EPS8: variants seen among roughly 807,000 people sequenced by gnomAD.
EPS8 encodes epidermal growth factor receptor kinase substrate 8.
Under a neutral mutation model 103.8 loss-of-function variants are expected in EPS8, and 42 were observed. That is an observed-to-expected ratio of 0.40 (90% CI 0.32 to 0.52). The LOEUF (loss-of-function observed/expected upper bound fraction) is 0.52, where lower values mean the gene tolerates loss of function less well. EPS8 is among the 20% of genes least tolerant of loss of function. The probability of loss-of-function intolerance (pLI) is 0.40; values close to 1 mark genes in which losing one functional copy is unlikely to be tolerated. For missense variants in EPS8, 969 were observed against 1,005.1 expected (o/e 0.96, Z 0.49); for synonymous variants, 344 against 344.6 (o/e 1.00, Z 0.02).
intron 13 of EPS8, among the ~76,000 whole-genome samples, chr12:15,652,042 G>A (rs889008443): frequency 6.6e-6 from 1 of 152,038 alleles, no homozygotes. Context: ...TAAACTTCAT[G>A]AAATTAAAGG....
chr12:15,642,260 T>A (rs1054488662), intron 15 of EPS8, among the ~76,000 whole-genome samples: 2 of 152,094 alleles, frequency 1.3e-5, no homozygotes, highest in East Asian at 1.9e-4. Flanking sequence ...TTTCACTAAT[T>A]CAAGCAATGT....
At chr12:15,668,253 C>T (rs144325783) in intron 6 of EPS8, among the ~76,000 whole-genome samples, 2,106 of 152,142 alleles carry the variant, frequency 0.014, 22 homozygotes, top group Non-Finnish European at 0.022. Flanking sequence ...TCATCCATGA[C>T]GTAAATTGAA....
chr12:15,670,849 A>T lies in EPS8; in HGVS notation c.204+7T>A. ...TCTAAATACTAGCAAACACCAAAGC[A>T]TCTTACTTCAACACGGTATTGAGAT... On this transcript the variant is annotated splice_region_variant and intron_variant, in intron 4 of 20. Transcript: ENST00000281172. The T allele has an allele frequency of 6.3e-7, 1 of 1,598,554 alleles. No homozygotes were observed. The highest frequency in any genetic ancestry group is 8.6e-7 in the Non-Finnish European group (1 of 1,167,268).
At chr12:15,672,454 C>A (rs1197199313) in intron 3 of EPS8, 1 of 398,422 alleles carries the variant, frequency 2.5e-6, no homozygotes, top group African/African-American at 2.1e-5. Context: ...TCTGTGCTAC[C>A]TTTCTTTTTT....
intron 15 of EPS8, among the ~76,000 whole-genome samples, chr12:15,643,283 A>G (rs537156451): frequency 6.6e-6 from 1 of 152,248 alleles, no homozygotes; most frequent in South Asian, 2.1e-4. Flanking sequence ...TCTATAACAA[A>G]TTTTTTGTTA....
Position 15,716,131 on chromosome 12 carries a change from C to G in EPS8, c.-21-33159G>C, listed in dbSNP as rs769916558. 6.6e-6 allele frequency among the ~76,000 whole-genome samples: 1 copy of G among 152,136 alleles called. No homozygotes were observed. The highest frequency in any genetic ancestry group is 2.4e-5 in the African/African-American group (1 of 41,440). On this transcript the variant is annotated intron_variant, in intron 1 of 20. Transcript: ENST00000281172. This position sits in a 1 kb window ranked among gnomAD's most constrained non-coding sequence, Gnocchi z 5.0. ...ACTAAACTTGAGAGCTGAAAGAAAT[C>G]TGAGAGAGTATCCCAATTCCAATCC...
In EPS8 at chr12:15,728,538, T is replaced by C. The variant is rs998706217; in HGVS notation, c.-21-45566A>G. The stretch of plus-strand genomic sequence containing the variant: ...AACACTCTCCCGGGTGCTGAGTCAT[T>C]AATAGAATTTGAAGAGTCAGGCATT... On this transcript the variant is annotated intron_variant, in intron 1 of 20. Coordinates refer to ENST00000281172, the MANE Select transcript of EPS8 (RefSeq NM_004447.6). This position sits in a 1 kb window ranked among gnomAD's most constrained non-coding sequence, Gnocchi z 4.5. 3.9e-5 allele frequency among the ~76,000 whole-genome samples: 6 copies of C among 152,190 alleles called. No individual in the cohort carries two copies. Among genetic ancestry groups the C allele is most frequent in the African/African-American group, 1.2e-4 (5 of 41,456 alleles).
At position 15,760,958 on chromosome 12, in the gene EPS8, GAGAA is replaced by G. The variant is rs889431251; in HGVS notation, c.-22+28199_-22+28202del. ...ACTCCTAGCTAGAGCAATCAGACAAGAGAAAGAAAGAAAGGGCATCCAAATTGGA... is the reference window on the plus strand; with the variant it reads ...ACTCCTAGCTAGAGCAATCAGACAAGAGAAAGAAAGGGCATCCAAATTGGA... On this transcript the variant is annotated intron_variant, in intron 1 of 20. Coordinates refer to ENST00000281172, the MANE Select transcript of EPS8 (RefSeq NM_004447.6). This position sits in a 1 kb window ranked among gnomAD's most constrained non-coding sequence, Gnocchi z 4.5. Among the ~76,000 whole-genome samples, 19 of 151,590 alleles carry G rather than the reference GAGAA, an allele frequency of 1.3e-4. No homozygotes were observed. Among genetic ancestry groups the G allele is most frequent in the African/African-American group, 4.4e-4 (18 of 41,340 alleles).
At chr12:15,723,030 A>C (rs760202172) in intron 1 of EPS8, among the ~76,000 whole-genome samples, 1 of 152,056 alleles carries the variant, frequency 6.6e-6, no homozygotes, top group Non-Finnish European at 1.5e-5. Flanking sequence ...ACAAAAAAAA[A>C]ACATTTTTCA....
At chr12:15,732,900 C>CTATGTGAGGAAAA (rs1767828131) in intron 1 of EPS8, 1 of 224,358 alleles carries the variant, frequency 4.5e-6, no homozygotes, top group Non-Finnish European at 7.4e-6. Flanking sequence ...AATAAGTAAG[C>CTATGTGAGGAAAA]TATGTGAGGA....
At chr12:15,774,592 A>C (rs1184306504) in intron 1 of EPS8, among the ~76,000 whole-genome samples, 1 of 147,998 alleles carries the variant, frequency 6.8e-6, no homozygotes, top group Non-Finnish European at 1.5e-5. Flanking sequence ...ATAAATATAT[A>C]TGTACACATA....
chr12:15,726,055 C>A (rs1008121772), intron 1 of EPS8, among the ~76,000 whole-genome samples: 1 of 152,160 alleles, frequency 6.6e-6, no homozygotes, highest in African/African-American at 2.4e-5. Context: ...GGCTAGTTAT[C>A]AGTCACTCAT....
At position 15,779,176 on chromosome 12, in the gene EPS8, CTA is replaced by C. The variant is rs1438495175; in HGVS notation, c.-22+9983_-22+9984del. Among the ~76,000 whole-genome samples, 1 of 152,116 alleles carries C rather than the reference CTA, an allele frequency of 6.6e-6. No individual in the cohort carries two copies. Among genetic ancestry groups the C allele is most frequent in the Non-Finnish European group, 1.5e-5 (1 of 68,014 alleles). On this transcript the variant is annotated intron_variant, in intron 1 of 20. Coordinates refer to ENST00000281172, the MANE Select transcript of EPS8 (RefSeq NM_004447.6). This position sits in a 1 kb window ranked among gnomAD's most constrained non-coding sequence, Gnocchi z 4.3. ...TATTTTTAGTAGAGACAGGGCGTCTCTATGTTTGTCAGGCTGGTCTCGAACTC... is the reference window on the plus strand; with the variant it reads ...TATTTTTAGTAGAGACAGGGCGTCTCTGTTTGTCAGGCTGGTCTCGAACTC...
In EPS8 at chr12:15,743,309, A is replaced by G. The variant is rs529257237; in HGVS notation, c.-22+45852T>C. Among the ~76,000 whole-genome samples the G allele has an allele frequency of 1.8e-4, 27 of 152,356 alleles. No individual in the cohort carries two copies. In the East Asian group the frequency reaches 4.8e-3, roughly 27 times the overall value. ...CATTCCATGCTCATGGATAGGAAGA[A>G]TCAATATCGTGAAAATGGCCATACT... On this transcript the variant is annotated intron_variant, in intron 1 of 20. Transcript: ENST00000281172.
chr12:15,775,339 A>G (rs1205434072), intron 1 of EPS8, among the ~76,000 whole-genome samples: 1 of 152,150 alleles, frequency 6.6e-6, no homozygotes, highest in Non-Finnish European at 1.5e-5. Flanking sequence ...TATAAAAATG[A>G]CACAAACCAC....
At chr12:15,630,983 A>C (rs1945035204) in intron 18 of EPS8, among the ~76,000 whole-genome samples, 1 of 152,206 alleles carries the variant, frequency 6.6e-6, no homozygotes, top group African/African-American at 2.4e-5. Context: ...ATGGAGAAGA[A>C]GACAAAATCG....
At chr12:15,775,075 T>C (rs1052002325) in intron 1 of EPS8, among the ~76,000 whole-genome samples, 1 of 152,096 alleles carries the variant, frequency 6.6e-6, no homozygotes, top group African/African-American at 2.4e-5. Flanking sequence ...TGTGTTAGAA[T>C]GCGCTTGGCC....
intron 1 of EPS8, among the ~76,000 whole-genome samples, chr12:15,720,236 A>G (rs1946580029): frequency 6.6e-6 from 1 of 152,236 alleles, no homozygotes; most frequent in Non-Finnish European, 1.5e-5. Context: ...GTAGATTTAA[A>G]AAATCACATC....
At position 15,631,425 on chromosome 12, in the gene EPS8, C is replaced by G; in HGVS notation, c.2044+17G>C. On this transcript the variant is annotated intron_variant, in intron 18 of 20. Transcript: ENST00000281172. ...TTAATTTGCAGAAGACATTTTTTGC[C>G]TCCCTGGGAAACTTACGGTCCACCG... 6.2e-7 allele frequency: 1 copy of G among 1,608,902 alleles called. No homozygotes were observed. Among genetic ancestry groups the G allele is most frequent in the South Asian group, 1.1e-5 (1 of 89,894 alleles).
Sources: gnomAD v4.1 joint callset for allele counts (sites outside exome capture counted in the v4.1 genomes callset) on GRCh38, gnomAD v4.1.1 for gene constraint, Gnocchi (gnomAD v3.1) non-coding constraint, MANE v1.5 for transcripts, NCBI Gene and HGNC (gene_info 2026-07-23, HGNC 2026-07-21) for gene names.